Variants in FTO observed in about 807,000 individuals in gnomAD.
FTO encodes alpha-ketoglutarate-dependent dioxygenase FTO.
In FTO, 47 loss-of-function variants were observed where a neutral mutation model predicts 63.9. That is an observed-to-expected ratio of 0.74 (90% CI 0.58 to 0.94). FTO has a LOEUF of 0.94. FTO is among the 40% of genes least tolerant of loss of function. The pLI, the probability that FTO is intolerant of heterozygous loss-of-function variation, is 0.00. For synonymous variants in FTO, 207 were observed against 224.4 expected, an observed-to-expected ratio of 0.92 and a Z score of 0.69; for missense variants, 562 against 618.1, an observed-to-expected ratio of 0.91 and a Z score of 0.96.
At chr16:53,893,563 T>C (rs1041820729) in intron 7 of FTO, among the ~76,000 whole-genome samples, 4 of 151,982 alleles carry the variant, frequency 2.6e-5, no homozygotes, top group Non-Finnish European at 5.9e-5. Flanking sequence ...ATTTTACCTA[T>C]AAAAATGTTT....
intron 1 of FTO, among the ~76,000 whole-genome samples, chr16:53,777,696 A>G (rs2077493904): frequency 6.6e-6 from 1 of 152,212 alleles, no homozygotes; most frequent in Non-Finnish European, 1.5e-5. Flanking sequence ...GTTTTTAAGT[A>G]TTGAAAAGCC....
At chr16:53,732,840 A>G (rs1246855508) in intron 1 of FTO, among the ~76,000 whole-genome samples, 1 of 152,178 alleles carries the variant, frequency 6.6e-6, no homozygotes, top group African/African-American at 2.4e-5. Context: ...AAAAAGGAGC[A>G]TTGTAGCAGG....
chr16:53,807,454 C>T lies in FTO; in HGVS notation c.46-2686C>T, dbSNP rs910640072. Among the ~76,000 whole-genome samples the T allele has an allele frequency of 6.6e-5, 10 of 152,292 alleles. No individual in the cohort carries two copies. The East Asian group carries it at 9.6e-4, about 15-fold the overall frequency. On this transcript the variant is annotated intron_variant, in intron 1 of 8. Coordinates refer to ENST00000471389, the MANE Select transcript of FTO (RefSeq NM_001080432.3). ...GGTTGTTACAAGAATTTAGCTGAAG[C>T]ATTAATTATAAGCAGAGGTTCAGCC...
At chr16:54,111,023 T>C (rs1446362877) in intron 8 of FTO, among the ~76,000 whole-genome samples, 1 of 152,214 alleles carries the variant, frequency 6.6e-6, no homozygotes, top group Admixed American at 6.5e-5. Context: ...ATTTTTTTCC[T>C]GTGAGGCTAT....
Position 53,707,512 on chromosome 16 carries a change from C to G in FTO, c.45+3283C>G, listed in dbSNP as rs568300852. Among the ~76,000 whole-genome samples the G allele has an allele frequency of 8.6e-4, 131 of 152,270 alleles. 1 individual carries two copies. In the Middle Eastern group the frequency reaches 0.014, roughly 16 times the overall value. ...GATTCGGACATATCTTTTTGGGGAA[C>G]AATATTCAAATGCACTGCACCCTTT... On this transcript the variant is annotated intron_variant, in intron 1 of 8. Coordinates refer to ENST00000471389, the MANE Select transcript of FTO (RefSeq NM_001080432.3).
At chr16:53,885,904 CAACCATCT>C (rs1446293779) in intron 6 of FTO, among the ~76,000 whole-genome samples, 7 of 152,144 alleles carry the variant, frequency 4.6e-5, no homozygotes, top group African/African-American at 1.7e-4. Context: ...CGTGCCACCA[CAACCATCT>C]AACTTTGTTT....
chr16:54,076,508 C>T (rs1054844558), intron 8 of FTO, among the ~76,000 whole-genome samples: 1 of 152,154 alleles, frequency 6.6e-6, no homozygotes, highest in Non-Finnish European at 1.5e-5. Flanking sequence ...CTGATCTATA[C>T]CCCCGTTGAA....
At chr16:54,059,893 G>T (rs1567546268) in intron 8 of FTO, among the ~76,000 whole-genome samples, 5 of 151,192 alleles carry the variant, frequency 3.3e-5, no homozygotes, top group Non-Finnish European at 4.4e-5. Flanking sequence ...ACTATAATTA[G>T]TTTTTTTTTG....
At chr16:54,012,831 GAAAAA>G (rs374710361) in intron 8 of FTO, among the ~76,000 whole-genome samples, 4 of 139,930 alleles carry the variant, frequency 2.9e-5, no homozygotes, top group African/African-American at 7.9e-5. Flanking sequence ...CTCCTTCTCA[GAAAAA>G]AAAAAAAAGA....
intron 8 of FTO, among the ~76,000 whole-genome samples, chr16:54,038,229 AG>A (rs2084989684): frequency 6.6e-6 from 1 of 152,210 alleles, no homozygotes; most frequent in Admixed American, 6.5e-5. Context: ...GCATGAGTAG[AG>A]TCAGACTCTA....
rs75977461 is a variant in FTO, at chr16:54,002,778, G to A, written c.1364+68669G>A. 1.6e-3 allele frequency among the ~76,000 whole-genome samples: 248 copies of A among 152,372 alleles called. 4 individuals are homozygous for A. In the East Asian group the frequency reaches 0.024, roughly 15 times the overall value. ...ATAAAAACAAGTGTTGATGAGGATAGAGAAAAATTGGAGCCCTCATACATT... is the reference window on the plus strand; with the variant it reads ...ATAAAAACAAGTGTTGATGAGGATAAAGAAAAATTGGAGCCCTCATACATT... On this transcript the variant is annotated intron_variant, in intron 8 of 8. Coordinates refer to ENST00000471389, the MANE Select transcript of FTO (RefSeq NM_001080432.3).
intron 8 of FTO, among the ~76,000 whole-genome samples, chr16:54,028,493 G>T (rs1490841787): frequency 6.6e-6 from 1 of 152,090 alleles, no homozygotes; most frequent in African/African-American, 2.4e-5. Context: ...AAATCTCAAG[G>T]GTGATATGGT....
intron 1 of FTO, among the ~76,000 whole-genome samples, chr16:53,731,117 T>C (rs2076260957): frequency 6.6e-6 from 1 of 152,238 alleles, no homozygotes; most frequent in African/African-American, 2.4e-5. Flanking sequence ...AATGTGTTTC[T>C]TAGATTACTT....
intron 4 of FTO, among the ~76,000 whole-genome samples, chr16:53,853,887 A>G (rs956698201): frequency 3.3e-5 from 5 of 152,100 alleles, no homozygotes; most frequent in Admixed American, 2.6e-4. Flanking sequence ...GTTCTTTGAG[A>G]AATCTCCATA....
At chr16:54,052,320 G>A (rs937145062) in intron 8 of FTO, among the ~76,000 whole-genome samples, 4 of 151,936 alleles carry the variant, frequency 2.6e-5, no homozygotes, top group African/African-American at 9.7e-5. Context: ...CAAACAACTC[G>A]AGGGGGAAAA....
At chr16:53,949,059 A>G (rs1599062371) in intron 8 of FTO, among the ~76,000 whole-genome samples, 1 of 152,238 alleles carries the variant, frequency 6.6e-6, no homozygotes, top group African/African-American at 2.4e-5. Context: ...TGAGGTGTAT[A>G]TGGTGCTCAT....
chr16:53,944,756 C>T (rs2082616755), intron 8 of FTO, among the ~76,000 whole-genome samples: 1 of 152,180 alleles, frequency 6.6e-6, no homozygotes, highest in African/African-American at 2.4e-5. Context: ...AAATGTAAAA[C>T]ACCCAGAGCA....
At chr16:53,827,013 T>C (rs1029999074) in intron 3 of FTO, among the ~76,000 whole-genome samples, 11 of 152,230 alleles carry the variant, frequency 7.2e-5, no homozygotes, top group Non-Finnish European at 1.3e-4. Context: ...TGGCTTCCTA[T>C]AGTTTGTAAC....
chr16:53,936,792 T>C (rs914805646), intron 8 of FTO, among the ~76,000 whole-genome samples: 1 of 152,250 alleles, frequency 6.6e-6, no homozygotes, highest in Admixed American at 6.5e-5. Flanking sequence ...TTACCTTATA[T>C]TGCACATTAG....
Sources: allele counts gnomAD v4.1 joint callset (sites outside exome capture counted in the v4.1 genomes callset), GRCh38; gene constraint gnomAD v4.1.1; transcripts MANE v1.5; gene names NCBI Gene and HGNC (gene_info 2026-07-23, HGNC 2026-07-21).